The following MON1B variants were observed in gnomAD, a reference collection of about 807,000 sequenced individuals.
MON1B encodes the protein MON1 vesicular trafficking associated B.
A neutral mutation model predicts 45.1 loss-of-function variants in MON1B; 26 were observed. The observed-to-expected ratio is 0.58, with a 90% CI of 0.42 to 0.80. MON1B has a LOEUF of 0.80. Ranked by LOEUF, MON1B falls within the 30% of genes least tolerant of loss-of-function variation. The pLI is 0.00. For synonymous variants in MON1B, 395 were observed against 320.2 expected (o/e 1.23, Z -2.49); for missense variants, 737 against 754.5 (o/e 0.98, Z 0.27).
rs1267653710 is a variant in MON1B at position 77,201,688 on chromosome 16, C to T, written c.*3380C>T. ...GTAGGCACAACACAAGAAGTAGTCACAGAAATTGCTAAGTCTAGGTTTATG... is the reference window on the plus strand; with the variant it reads ...GTAGGCACAACACAAGAAGTAGTCATAGAAATTGCTAAGTCTAGGTTTATG... On this transcript the variant is annotated 3_prime_UTR_variant, in exon 6 of 6. Transcript: ENST00000248248. 1.3e-5 allele frequency: 2 copies of T among 152,016 alleles called. No individual in the cohort carries two copies. Among genetic ancestry groups the T allele is most frequent in the African/African-American group, 2.4e-5 (1 of 41,348 alleles). 9.4% of individuals were successfully genotyped at this position (152,016 alleles called of 1,614,324 possible).
At chr16:77,192,268 G>C (rs948029265) in intron 2 of MON1B, among the ~76,000 whole-genome samples, 2 of 152,200 alleles carry the variant, frequency 1.3e-5, no homozygotes, top group African/African-American at 4.8e-5. Context: ...AATGTGGATG[G>C]GGAGGTTGAG....
intron 5 of MON1B, among the ~76,000 whole-genome samples, chr16:77,196,573 C>G (rs887921303): frequency 6.6e-6 from 1 of 151,868 alleles, no homozygotes; most frequent in Non-Finnish European, 1.5e-5. Flanking sequence ...GTCAGGAGTT[C>G]GAGACCAGCC....
rs184634351 is a variant in MON1B at position 77,193,339 on chromosome 16, G to A, written c.149-112G>A. On this transcript the variant is annotated intron_variant, in intron 2 of 5. Transcript: ENST00000248248. The surrounding 1 kb of genome is among the most constrained non-coding windows in gnomAD (Gnocchi z 5.0). ...GGGCATAGGAGACACTTGGAGTTCT[G>A]CGTCAGCATGCAGGGGTCATGGAGG... 30 of 1,047,788 alleles carry A rather than the reference G, an allele frequency of 2.9e-5. No homozygotes were observed. In the South Asian group the frequency reaches 4.9e-4, roughly 17 times the overall value. The allele number at this position is 1,047,788 out of a possible 1,614,324, so 64.9% of individuals were successfully genotyped here.
At chr16:77,195,414 A>C in intron 4 of MON1B, 121 bp from the exon 5 acceptor site, 2 of 1,290,724 alleles carry the variant, frequency 1.5e-6, no homozygotes, top group African/African-American at 1.5e-5. Context: ...GAGAATCCTC[A>C]AGTCTCATGG....
chr16:77,200,489 C>G lies in MON1B; in HGVS notation c.*2181C>G, dbSNP rs1400521784. On this transcript the variant is annotated 3_prime_UTR_variant, in exon 6 of 6. Coordinates refer to ENST00000248248, the MANE Select transcript of MON1B (RefSeq NM_014940.4). ...ATTCTCCCTTGGCCGGGCTTGGTGGCTTATGCCTGTAATCCCAGCACTTTG... is the reference window on the plus strand; with the variant it reads ...ATTCTCCCTTGGCCGGGCTTGGTGGGTTATGCCTGTAATCCCAGCACTTTG... 3.3e-5 allele frequency: 5 copies of G among 150,884 alleles called. No homozygotes were observed. The highest frequency in any genetic ancestry group is 1.2e-4 in the African/African-American group (5 of 41,140). 9.3% of individuals were successfully genotyped at this position (150,884 alleles called of 1,614,324 possible).
Position 77,198,238 on chromosome 16 carries a change from C to A in MON1B, c.1574C>A (p.Pro525His). The change falls in exon 6 of 6, where the codon CCC (proline) becomes CAC (histidine). Residue 525 changes from proline (P) to histidine (H), a missense_variant. Pro to His is a moderately conservative substitution (Grantham distance 77, BLOSUM62 -2). Transcript: ENST00000248248. ...GACCGGCTCTTCATTCGTTACCCAC[C>A]CAAGTACTCCACACCACCAGCCACC... ...EEDRLFIRYP[P>H]KYSTPPATST... 14 of 1,614,170 alleles carry A rather than the reference C, an allele frequency of 8.7e-6. No homozygotes were observed. Among genetic ancestry groups the A allele is most frequent in the Non-Finnish European group, 1.2e-5 (14 of 1,180,030 alleles).
In MON1B at chr16:77,198,473, C is replaced by A; in HGVS notation, c.*165C>A. 1.3e-6 allele frequency: 1 copy of A among 748,548 alleles called. No homozygotes were observed. Among genetic ancestry groups the A allele is most frequent in the Non-Finnish European group, 2.2e-6 (1 of 464,578 alleles). 46.4% of individuals were successfully genotyped at this position (748,548 alleles called of 1,614,324 possible). ...CACCGATGAGAGAGATGGTGGCAGC[C>A]GCCAGGCGAGCAGGCTGCTTTCCCT... On this transcript the variant is annotated 3_prime_UTR_variant, in exon 6 of 6. Transcript: ENST00000248248.
chr16:77,197,203 C>T (rs2054673626), intron 5 of MON1B, among the ~76,000 whole-genome samples: 1 of 152,002 alleles, frequency 6.6e-6, no homozygotes, highest in Non-Finnish European at 1.5e-5. Flanking sequence ...CGAGACCAGC[C>T]TGGCCAACAG....
rs2054637127 is a variant in MON1B, at chr16:77,193,840, G to C, written c.475+63G>C. 4 of 1,510,086 alleles carry C rather than the reference G, an allele frequency of 2.6e-6. No individual in the cohort carries two copies. The Admixed American group carries it at 7.4e-5, about 28-fold the overall frequency. 93.5% of individuals were successfully genotyped at this position (1,510,086 alleles called of 1,614,324 possible). A position where few individuals can be genotyped will look rare whatever the true frequency, so the allele number is the denominator to read the frequency against. On this transcript the variant is annotated intron_variant, in intron 3 of 5. Coordinates refer to ENST00000248248, the MANE Select transcript of MON1B (RefSeq NM_014940.4). This position sits in a 1 kb window ranked among gnomAD's most constrained non-coding sequence, Gnocchi z 5.0. ...ACTGGGAATATGGCTGGCACGGGTA[G>C]GTCTGTCTGCCTCAGGCACTATCCA...
At position 77,193,826 on chromosome 16, in the gene MON1B, G is replaced by T; in HGVS notation, c.475+49G>T. ...AATGGGGGACAGTGACTGGGAATAT[G>T]GCTGGCACGGGTAGGTCTGTCTGCC... On this transcript the variant is annotated intron_variant, in intron 3 of 5. Transcript: ENST00000248248. The surrounding 1 kb of genome is among the most constrained non-coding windows in gnomAD (Gnocchi z 5.0). The T allele has an allele frequency of 1.3e-6, 2 of 1,551,218 alleles. No individual in the cohort carries two copies. The highest frequency in any genetic ancestry group is 1.7e-6 in the Non-Finnish European group (2 of 1,143,644).
chr16:77,195,267 G>T, intron 4 of MON1B, 113 bp downstream of exon 4: 1 of 1,154,756 alleles, frequency 8.7e-7, no homozygotes, highest in Non-Finnish European at 1.2e-6. Flanking sequence ...TAAGAAAGAG[G>T]GAAGAGAACA....
rs1262296343 is a variant in MON1B at position 77,193,542 on chromosome 16, C to A, written c.240C>A (p.Ala80=). 1 of 1,613,838 alleles carries A rather than the reference C, an allele frequency of 6.2e-7. No homozygotes were observed. The highest frequency in any genetic ancestry group is 1.3e-5 in the African/African-American group (1 of 75,032). The stretch of plus-strand genomic sequence containing the variant: ...CCTCTCGGCTCTGGAGTCCTGCAGC[C>A]CCTGAGAATAGTCCCACATGTAGCC... The part of the protein sequence containing the change: ...SSTSRLWSPA[A]PENSPTCSPE... The change falls in exon 3 of 6, where the codon GCC becomes GCA. Residue 80 remains alanine (A), a synonymous_variant. Coordinates refer to ENST00000248248, the MANE Select transcript of MON1B (RefSeq NM_014940.4). This position sits in a 1 kb window ranked among gnomAD's most constrained non-coding sequence, Gnocchi z 5.0.
Position 77,194,321 on chromosome 16 carries a change from C to G in MON1B, c.476-14C>G, listed in dbSNP as rs930197189. 5.0e-6 allele frequency: 8 copies of G among 1,599,366 alleles called. No individual in the cohort carries two copies. Among genetic ancestry groups the G allele is most frequent in the East Asian group, 4.5e-5 (2 of 44,840 alleles). ...TCCAGCTGTACCCCCCCTTCTTACC[C>G]CTTCCTTCCCTAGAGGACCACAAGC... On this transcript the variant is annotated splice_polypyrimidine_tract_variant and intron_variant, in intron 3 of 5. Coordinates refer to ENST00000248248, the MANE Select transcript of MON1B (RefSeq NM_014940.4). The surrounding 1 kb of genome is among the most constrained non-coding windows in gnomAD (Gnocchi z 8.1).
At chr16:77,195,185 G>T (rs1439729208) in intron 4 of MON1B, 31 bp downstream of exon 4, 1 of 1,498,700 alleles carries the variant, frequency 6.7e-7, no homozygotes, top group Non-Finnish European at 8.9e-7. Flanking sequence ...AACTGGCTGG[G>T]TGGGAAGGCC....
At position 77,195,560 on chromosome 16, in the gene MON1B, A is replaced by C; in HGVS notation, c.1321A>C (p.Arg441=). ...TSPELEAPYS[R]EEERQRLSDL... ...CCCTGAGCTAGAGGCCCCCTACAGC[A>C]GAGAGGAGGAGCGGCAGCGGCTGTC... Residue 441 remains arginine (R), a synonymous_variant, in exon 5 of 6, where the codon AGA becomes CGA. Transcript: ENST00000248248. 6.2e-7 allele frequency: 1 copy of C among 1,613,976 alleles called. No individual in the cohort carries two copies. The highest frequency in any genetic ancestry group is 1.3e-5 in the African/African-American group (1 of 75,048).
rs774785037 is a variant in MON1B, at chr16:77,195,586, G to A, written c.1347G>A (p.Ser449=). 1.4e-5 allele frequency: 23 copies of A among 1,613,964 alleles called. No homozygotes were observed. Among genetic ancestry groups the A allele is most frequent in the South Asian group, 2.2e-5 (2 of 91,078 alleles). ...YSREEERQRL[S]DLYHRLHARL... ...GAGAGGAGGAGCGGCAGCGGCTGTC[G>A]GACCTGTACCACCGCCTGCATGCTC... Residue 449 remains serine (S), a synonymous_variant, in exon 5 of 6, where the codon TCG becomes TCA. Transcript: ENST00000248248.
At chr16:77,196,583 C>G (rs1254813754) in intron 5 of MON1B, among the ~76,000 whole-genome samples, 1 of 152,032 alleles carries the variant, frequency 6.6e-6, no homozygotes, top group Non-Finnish European at 1.5e-5. Flanking sequence ...CGAGACCAGC[C>G]TGGCAAACAT....
At chr16:77,195,396 C>T (rs2142499995) in intron 4 of MON1B, 139 bp from the exon 5 acceptor site, 1 of 1,208,974 alleles carries the variant, frequency 8.3e-7, no homozygotes, top group East Asian at 2.6e-5. Context: ...GGTCAGCCTC[C>T]AACCCCTGAG....
chr16:77,194,625 C>T lies in MON1B; in HGVS notation c.766C>T (p.Pro256Ser). 1.2e-6 allele frequency: 2 copies of T among 1,613,824 alleles called. No individual in the cohort carries two copies. The highest frequency in any genetic ancestry group is 2.2e-5 in the South Asian group (2 of 91,056). ...CGTGCGCTGTGTGCCCCTTGCCCGC[C>T]CGCTGCGAGACGCACTAGGTGCGCT... ...GAVRCVPLAR[P>S]LRDALGALLR... is the part of the protein sequence containing the mutation. Residue 256 changes from proline (P) to serine (S), a missense_variant, in exon 4 of 6, where the codon CCG becomes TCG. Coordinates refer to ENST00000248248, the MANE Select transcript of MON1B (RefSeq NM_014940.4). This position sits in a 1 kb window ranked among gnomAD's most constrained non-coding sequence, Gnocchi z 8.1.
Sources: gnomAD v4.1 joint callset for allele counts (sites outside exome capture counted in the v4.1 genomes callset) on GRCh38, gnomAD v4.1.1 for gene constraint, Gnocchi (gnomAD v3.1) non-coding constraint, MANE v1.5 for transcripts, NCBI Gene and HGNC (gene_info 2026-07-23, HGNC 2026-07-21) for gene names.